The following DLGAP1 variants were observed in gnomAD, a reference collection of about 807,000 sequenced individuals.
DLGAP1 encodes DLG associated protein 1, also known as disks large-associated protein 1.
In DLGAP1, 11 loss-of-function variants were observed where a neutral mutation model predicts 90.8. The observed-to-expected ratio is 0.12, with a 90% confidence interval of 0.08 to 0.20. The LOEUF is 0.20. DLGAP1 is among the 10% of genes least tolerant of loss of function. The pLI is 1.00. For missense variants in DLGAP1, 1,050 were observed against 1,333.8 expected, an observed-to-expected ratio of 0.79 and a Z score of 3.31; for synonymous variants, 558 against 540.7, an observed-to-expected ratio of 1.03 and a Z score of -0.44.
intron 1 of DLGAP1, among the ~76,000 whole-genome samples, chr18:4,327,740 T>C (rs1256184925): frequency 6.6e-6 from 1 of 152,052 alleles, no homozygotes; most frequent in Non-Finnish European, 1.5e-5. Flanking sequence ...TATTCAATAG[T>C]GTCACCCCAT....
chr18:4,143,192 C>T (rs903331596), intron 2 of DLGAP1, among the ~76,000 whole-genome samples: 17 of 152,096 alleles, frequency 1.1e-4, no homozygotes, highest in Non-Finnish European at 1.9e-4. Flanking sequence ...AGGCTCATAT[C>T]CTACCCTTCA....
At chr18:3,618,852 T>C (rs1327365577) in intron 7 of DLGAP1, among the ~76,000 whole-genome samples, 5 of 147,866 alleles carry the variant, frequency 3.4e-5, no homozygotes, top group South Asian at 4.3e-4. Context: ...GGCAGGAGAA[T>C]GGTGTGAACC....
At chr18:3,878,622 G>T (rs2071063855) in intron 4 of DLGAP1, among the ~76,000 whole-genome samples, 1 of 152,062 alleles carries the variant, frequency 6.6e-6, no homozygotes, top group Non-Finnish European at 1.5e-5. Context: ...GTTACTGATG[G>T]TTATGATGAT....
chr18:3,979,924 T>G (rs1399021322), intron 3 of DLGAP1, among the ~76,000 whole-genome samples: 1 of 152,070 alleles, frequency 6.6e-6, no homozygotes, highest in Non-Finnish European at 1.5e-5. Context: ...TCACTTGAGG[T>G]CAGGAGTTCG....
intron 7 of DLGAP1, among the ~76,000 whole-genome samples, chr18:3,615,246 CATAA>C (rs1333148132): frequency 1.3e-5 from 2 of 152,064 alleles, no homozygotes; most frequent in Admixed American, 1.3e-4. Context: ...TAAAAAGATG[CATAA>C]ATAGAGTTGA....
chr18:4,245,435 G>T (rs2145156801), intron 1 of DLGAP1, among the ~76,000 whole-genome samples: 1 of 152,210 alleles, frequency 6.6e-6, no homozygotes, highest in Admixed American at 6.5e-5. Context: ...GTGAAGTAAG[G>T]GATTTCAGAA....
In DLGAP1 at chr18:3,775,589, A is replaced by G. The variant is rs2064904925; in HGVS notation, c.1173-33077T>C. ...GCCAATTAAGCCTCTTTTCTTTATA[A>G]ATTACCCTGTGTCAGGTAGTTCTTT... On this transcript the variant is annotated intron_variant, in intron 5 of 12. Coordinates refer to ENST00000315677, the MANE Select transcript of DLGAP1 (RefSeq NM_004746.4). The surrounding 1 kb of genome is among the most constrained non-coding windows in gnomAD (Gnocchi z 4.9). Among the ~76,000 whole-genome samples the G allele has an allele frequency of 6.6e-6, 1 of 152,186 alleles. No individual in the cohort carries two copies. The highest frequency in any genetic ancestry group is 3.2e-3 in the Middle Eastern group (1 of 316).
intron 3 of DLGAP1, among the ~76,000 whole-genome samples, chr18:3,928,605 C>T (rs887771400): frequency 6.6e-6 from 1 of 152,136 alleles, no homozygotes; most frequent in African/African-American, 2.4e-5. Context: ...TTAATCTTGA[C>T]AACACCTTAA....
intron 1 of DLGAP1, among the ~76,000 whole-genome samples, chr18:4,332,718 TG>T: frequency 6.6e-6 from 1 of 151,958 alleles, no homozygotes; most frequent in Non-Finnish European, 1.5e-5. Context: ...AGTCATCTAA[TG>T]TACCAAATGG....
chr18:3,536,669 T>C, intron 9 of DLGAP1, among the ~76,000 whole-genome samples: 1 of 152,232 alleles, frequency 6.6e-6, no homozygotes, highest in East Asian at 1.9e-4. Context: ...ATTTCTGCCC[T>C]CTCCTGTGCC....
chr18:4,347,653 T>C (rs1036159077), intron 1 of DLGAP1, among the ~76,000 whole-genome samples: 3 of 152,104 alleles, frequency 2.0e-5, no homozygotes, highest in African/African-American at 7.2e-5. Flanking sequence ...AAATTGAATG[T>C]GATTTTTAAC....
chr18:4,286,871 A>C (rs1017516602), intron 1 of DLGAP1, among the ~76,000 whole-genome samples: 1 of 152,186 alleles, frequency 6.6e-6, no homozygotes, highest in Non-Finnish European at 1.5e-5. Flanking sequence ...GCTGAAATAC[A>C]GTGGCCAGGG....
intron 2 of DLGAP1, among the ~76,000 whole-genome samples, chr18:4,067,177 A>C (rs1019336712): frequency 6.6e-6 from 1 of 152,010 alleles, no homozygotes; most frequent in African/African-American, 2.4e-5. Flanking sequence ...CCTTACCTGA[A>C]GGTGGAGGTT....
chr18:4,023,131 T>A (rs1280912000), intron 2 of DLGAP1, among the ~76,000 whole-genome samples: 1 of 152,248 alleles, frequency 6.6e-6, no homozygotes, highest in Non-Finnish European at 1.5e-5. Context: ...ACTGACACTT[T>A]ATCAATGATT....
At chr18:3,636,056 T>C (rs1032216047) in intron 7 of DLGAP1, among the ~76,000 whole-genome samples, 2 of 151,458 alleles carry the variant, frequency 1.3e-5, no homozygotes, top group Non-Finnish European at 2.9e-5. Context: ...TGCCTCTTCC[T>C]ATTCTCTCCC....
At chr18:4,364,648 A>C (rs2144137378) in intron 1 of DLGAP1, among the ~76,000 whole-genome samples, 1 of 152,136 alleles carries the variant, frequency 6.6e-6, no homozygotes, top group Admixed American at 6.5e-5. Context: ...TTCGTGTCTC[A>C]ATCCCCCTCA....
At chr18:4,099,337 ATCTATCTATCTGTCTG>A (rs201448365) in intron 2 of DLGAP1, among the ~76,000 whole-genome samples, 20,737 of 123,804 alleles carry the variant, frequency 0.17, 1,533 homozygotes, top group African/African-American at 0.24. Context: ...CTATCTATCT[ATCTATCTATCTGTCTG>A]TCTGTCTATC....
At chr18:3,774,557 C>T (rs1403498520) in intron 5 of DLGAP1, 2 of 152,426 alleles carry the variant, frequency 1.3e-5, no homozygotes, top group East Asian at 3.9e-4. Context: ...TGCTTTGCCT[C>T]TCGCTCCTGG....
At chr18:4,102,486 A>C (rs2075796039) in intron 2 of DLGAP1, among the ~76,000 whole-genome samples, 1 of 152,200 alleles carries the variant, frequency 6.6e-6, no homozygotes. Flanking sequence ...TAAAGGAAAA[A>C]GCCCTTGAGC....
Sources: allele counts gnomAD v4.1 joint callset (sites outside exome capture counted in the v4.1 genomes callset), GRCh38; gene constraint gnomAD v4.1.1; non-coding constraint Gnocchi (gnomAD v3.1); transcripts MANE v1.5; gene names NCBI Gene and HGNC (gene_info 2026-07-23, HGNC 2026-07-21).